Variants in CEP41 observed in about 807,000 individuals in gnomAD.
CEP41 encodes centrosomal protein of 41 kDa.
CEP41 carries 32 observed loss-of-function variants against 44.3 expected under a neutral mutation model. The ratio of observed to expected loss-of-function variants is 0.72; its 90% confidence interval spans 0.54 to 0.97. The LOEUF is 0.97. CEP41 is among the 50% of genes least tolerant of loss of function. CEP41 has a pLI of 0.00. For synonymous variants in CEP41, 151 were observed against 168.5 expected (o/e 0.90, Z 0.80); for missense variants, 432 against 455.2 (o/e 0.95, Z 0.46).
At chr7:130,438,388 A>G (rs1554426719) in intron 1 of CEP41, among the ~76,000 whole-genome samples, 1 of 152,046 alleles carries the variant, frequency 6.6e-6, no homozygotes, top group East Asian at 1.9e-4. Flanking sequence ...GTAAAACCGC[A>G]TCTTTACAAA....
rs148781248 is a variant in CEP41 at position 130,408,387 on chromosome 7, A to C, written c.277+2735T>G. Reference sequence around the variant, plus strand: ...ATCATAATTATTCAGAACTCTCACAAACCAATAAGAAAAAGATGAACATCC... The same window carrying C: ...ATCATAATTATTCAGAACTCTCACACACCAATAAGAAAAAGATGAACATCC... On this transcript the variant is annotated intron_variant, in intron 5 of 10. Coordinates refer to ENST00000223208, the MANE Select transcript of CEP41 (RefSeq NM_018718.3). 7.6e-4 allele frequency among the ~76,000 whole-genome samples: 116 copies of C among 152,306 alleles called. 1 individual carries two copies. In the East Asian group the frequency reaches 0.022, roughly 29 times the overall value.
intron 5 of CEP41, among the ~76,000 whole-genome samples, chr7:130,405,605 T>C (rs2117578896): frequency 6.6e-6 from 1 of 152,324 alleles, no homozygotes; most frequent in Non-Finnish European, 1.5e-5. Flanking sequence ...TATAATAAAA[T>C]GTATTAACCT....
chr7:130,436,506 A>G (rs1412284415), intron 1 of CEP41, among the ~76,000 whole-genome samples: 1 of 152,030 alleles, frequency 6.6e-6, no homozygotes, highest in Non-Finnish European at 1.5e-5. Context: ...GATTAAATCT[A>G]TACAAGTGAT....
At chr7:130,426,673 T>G (rs1797673333) in intron 2 of CEP41, 1 of 455,882 alleles carries the variant, frequency 2.2e-6, no homozygotes. Context: ...CAGTTGCAAT[T>G]AGGGGTTAGA....
intron 1 of CEP41, among the ~76,000 whole-genome samples, chr7:130,438,111 C>A (rs1021014874): frequency 1.3e-5 from 2 of 152,092 alleles, no homozygotes; most frequent in Non-Finnish European, 2.9e-5. Context: ...TCACTCATGG[C>A]GCCAGCACCA....
intron 1 of CEP41, among the ~76,000 whole-genome samples, chr7:130,437,788 A>AAG (rs1563000268): frequency 5.4e-5 from 7 of 130,662 alleles, no homozygotes; most frequent in Non-Finnish European, 1.1e-4. Flanking sequence ...AAAAAAAAAA[A>AAG]GAAAAAGAAA....
At position 130,416,903 on chromosome 7, in the gene CEP41, C is replaced by A. The variant is rs2117627031; in HGVS notation, c.145+16G>T. On this transcript the variant is annotated intron_variant, in intron 3 of 10. Transcript: ENST00000223208. ...ATAGACTTCCACTCTCCCAAACCATCAAGAGTGTTACTTACTTTTCTTAAT... is the reference window on the plus strand; with the variant it reads ...ATAGACTTCCACTCTCCCAAACCATAAAGAGTGTTACTTACTTTTCTTAAT... 6.4e-7 allele frequency: 1 copy of A among 1,569,192 alleles called. No individual in the cohort carries two copies. Among genetic ancestry groups the A allele is most frequent in the Non-Finnish European group, 8.8e-7 (1 of 1,139,094 alleles).
chr7:130,412,052 A>G, intron 4 of CEP41, 127 bp downstream of exon 4: 1 of 755,518 alleles, frequency 1.3e-6, no homozygotes, highest in South Asian at 1.4e-5. Flanking sequence ...ATCTTCCCAT[A>G]GCTGAACGAC....
chr7:130,434,747 G>A (rs1797914409), intron 1 of CEP41, among the ~76,000 whole-genome samples: 1 of 152,140 alleles, frequency 6.6e-6, no homozygotes, highest in Non-Finnish European at 1.5e-5. Flanking sequence ...AATAATGTCT[G>A]TTTTATATGA....
In CEP41 at chr7:130,400,161, C is replaced by T. The variant is rs782105300; in HGVS notation, c.851G>A (p.Arg284Gln). 64 of 1,613,620 alleles carry T rather than the reference C, an allele frequency of 4.0e-5. No homozygotes were observed. The highest frequency in any genetic ancestry group is 2.4e-4 in the South Asian group (22 of 91,074). Residue 284 changes from arginine (R) to glutamine (Q), a missense_variant, in exon 10 of 11, where the codon CGG (arginine) becomes CAG (glutamine). Physicochemically the swap from Arg to Gln is conservative, Grantham distance 43. Transcript: ENST00000223208. The stretch of plus-strand genomic sequence containing the variant: ...TGGCCCTTTGGGGCTGGATCGTTTC[C>T]GGGCAGACCCAGGAGGAAGGGCCTG... ...CQQALPPGSA[R>Q]KRSSPKGPPL... is the part of the protein sequence containing the mutation.
At chr7:130,412,041 A>C (rs1182053786) in intron 4 of CEP41, 138 bp downstream of exon 4, 2 of 733,986 alleles carry the variant, frequency 2.7e-6, no homozygotes, top group Non-Finnish European at 5.0e-6. Context: ...CATACCAATT[A>C]ATCTTCCCAT....
chr7:130,411,422 A>ATC (rs1451286203), intron 4 of CEP41, among the ~76,000 whole-genome samples: 3 of 152,236 alleles, frequency 2.0e-5, no homozygotes, highest in Admixed American at 6.5e-5. Flanking sequence ...ACATAAACTT[A>ATC]GAATGCTAAG....
At chr7:130,406,868 A>C (rs1797026492) in intron 5 of CEP41, among the ~76,000 whole-genome samples, 1 of 151,968 alleles carries the variant, frequency 6.6e-6, no homozygotes, top group Non-Finnish European at 1.5e-5. Context: ...TACCTAATGT[A>C]AATGACAGGT....
intron 1 of CEP41, among the ~76,000 whole-genome samples, chr7:130,432,000 G>A (rs1346760789): frequency 6.6e-6 from 1 of 152,066 alleles, no homozygotes; most frequent in Non-Finnish European, 1.5e-5. Flanking sequence ...TAGAGGCCAG[G>A]GGTGCTGCTA....
intron 1 of CEP41, among the ~76,000 whole-genome samples, chr7:130,435,225 A>G (rs1732399182): frequency 6.6e-6 from 1 of 152,212 alleles, no homozygotes; most frequent in Non-Finnish European, 1.5e-5. Flanking sequence ...CATAGTACAT[A>G]GTGATATAAG....
chr7:130,418,440 C>A (rs1307551139), intron 2 of CEP41, among the ~76,000 whole-genome samples: 1 of 152,236 alleles, frequency 6.6e-6, no homozygotes, highest in Non-Finnish European at 1.5e-5. Context: ...CTGGTCAATA[C>A]AATGGCGGAA....
intron 2 of CEP41, among the ~76,000 whole-genome samples, chr7:130,426,451 AAAAAC>A: frequency 6.7e-6 from 1 of 150,364 alleles, no homozygotes; most frequent in Non-Finnish European, 1.5e-5. Flanking sequence ...AGAAAAAAAA[AAAAAC>A]AAACTATGAA....
intron 1 of CEP41, among the ~76,000 whole-genome samples, chr7:130,428,243 G>C (rs1162972194): frequency 3.3e-5 from 5 of 151,814 alleles, no homozygotes; most frequent in Non-Finnish European, 7.4e-5. Context: ...GACCAACATG[G>C]TGAAACCCCA....
chr7:130,415,956 T>C (rs1272389930), intron 3 of CEP41, among the ~76,000 whole-genome samples: 4 of 152,252 alleles, frequency 2.6e-5, no homozygotes, highest in Non-Finnish European at 5.9e-5. Flanking sequence ...CCCTTATAGC[T>C]GAACATGGCA....
Sources: gnomAD v4.1 joint callset for allele counts (sites outside exome capture counted in the v4.1 genomes callset) on GRCh38, gnomAD v4.1.1 for gene constraint, MANE v1.5 for transcripts, NCBI Gene and HGNC (gene_info 2026-07-23, HGNC 2026-07-21) for gene names.